DLL1: variants seen among roughly 807,000 people sequenced by gnomAD.
DLL1 encodes the protein delta like canonical Notch ligand 1, also known as delta-like protein 1.
Under a neutral mutation model 75.1 loss-of-function variants are expected in DLL1, and 9 were observed. The ratio of observed to expected loss-of-function variants is 0.12; its 90% CI spans 0.07 to 0.21. The LOEUF is 0.21. Ranked by LOEUF, DLL1 falls within the 10% of genes least tolerant of loss-of-function variation. DLL1 has a pLI of 1.00. For synonymous variants in DLL1, 477 were observed against 418.3 expected, an observed-to-expected ratio of 1.14 and a Z score of -1.71; for missense variants, 837 against 1,007.6, an observed-to-expected ratio of 0.83 and a Z score of 2.29.
chr6:170,288,410 C>A lies in DLL1; in HGVS notation c.499G>T (p.Gly167Cys), dbSNP rs2114964208. ...TAGGAGTACTTGAGGTCCGTGCGGC[C>A]GCTGCTGTGCAGGTCCTGGGACCAC... ...EEWSQDLHSSGRTDLKYSYRF... is the reference protein window; with the variant it reads ...EEWSQDLHSSCRTDLKYSYRF... Residue 167 changes from glycine to cysteine, a missense_variant, in exon 4 of 11, where the codon GGC (glycine) becomes TGC (cysteine). By Grantham distance (159) the Gly-to-Cys change is radical (BLOSUM62 -3). This residue lies in a region of DLL1 where 304 missense variants were observed against 461.9 expected (regional missense o/e 0.66). Coordinates refer to ENST00000366756, the MANE Select transcript of DLL1 (RefSeq NM_005618.4). 6.2e-7 allele frequency: 1 copy of A among 1,614,070 alleles called. No homozygotes were observed. The highest frequency in any genetic ancestry group is 8.5e-7 in the Non-Finnish European group (1 of 1,180,048).
In DLL1 at chr6:170,288,756, T is replaced by C; in HGVS notation, c.385A>G (p.Thr129Ala). The change falls in exon 3 of 11, where the codon ACA (threonine) becomes GCA (alanine). Residue 129 changes from threonine to alanine, a missense_variant. Around this residue, in one of 2 missense-constraint regions of DLL1, gnomAD observed 304 missense variants for 461.9 expected, o/e 0.66. Coordinates refer to ENST00000366756, the MANE Select transcript of DLL1 (RefSeq NM_005618.4). ...GTTGCGAGGTCATCAGGAGAATCTG[T>C]GTGGAGAGCTTCAATAATCAGAGAG... ...TFSLIIEALHTDSPDDLATEN... is the reference protein window; with the variant it reads ...TFSLIIEALHADSPDDLATEN... The C allele has an allele frequency of 6.2e-7, 1 of 1,614,108 alleles. No homozygotes were observed. Among genetic ancestry groups the C allele is most frequent in the Non-Finnish European group, 8.5e-7 (1 of 1,180,026 alleles).
Position 170,289,652 on chromosome 6 carries a change from C to T in DLL1, c.211G>A (p.Val71Met). 6.5e-7 allele frequency: 1 copy of T among 1,540,632 alleles called. No homozygotes were observed. The highest frequency in any genetic ancestry group is 8.7e-7 in the Non-Finnish European group (1 of 1,146,394). ...TAGGTGCAGGGCGGCTCGGGGGACA[C>T]GCTGGCCTGGTAGTGCTTGAGGCAC... Reference protein sequence around the residue: ...RVCLKHYQASVSPEPPCTYGS... With the variant: ...RVCLKHYQASMSPEPPCTYGS... Residue 71 changes from valine (V) to methionine (M), a missense_variant, in exon 2 of 11, where the codon GTG (valine) becomes ATG (methionine). By Grantham distance (21) the Val-to-Met change is conservative. Around this residue, in one of 2 missense-constraint regions of DLL1, gnomAD observed 304 missense variants for 461.9 expected, o/e 0.66. Coordinates refer to ENST00000366756, the MANE Select transcript of DLL1 (RefSeq NM_005618.4).
At position 170,289,746 on chromosome 6, in the gene DLL1, C is replaced by T; in HGVS notation, c.117G>A (p.Leu39=). The change falls in exon 2 of 11, where the codon CTG becomes CTA. Residue 39 remains leucine (L), a synonymous_variant. Transcript: ENST00000366756. ...LQEFVNKKGL[L]GNRNCCRGGA... is the part of the protein sequence containing the mutation. ...CCCCGCGGCAGCAGTTGCGGTTCCCCAGCAGCCCCTTCTTGTTGACGAACT... is the reference window on the plus strand; with the variant it reads ...CCCCGCGGCAGCAGTTGCGGTTCCCTAGCAGCCCCTTCTTGTTGACGAACT... 1 of 1,552,566 alleles carries T rather than the reference C, an allele frequency of 6.4e-7. No individual in the cohort carries two copies. Among genetic ancestry groups the T allele is most frequent in the Non-Finnish European group, 8.7e-7 (1 of 1,148,008 alleles).
In DLL1 at chr6:170,289,671, G is replaced by C; in HGVS notation, c.192C>G (p.Leu64=). The part of the protein sequence containing the change: ...CACRTFFRVC[L]KHYQASVSPE... ...GGGACACGCTGGCCTGGTAGTGCTT[G>C]AGGCACACGCGGAAGAAGGTCCGGC... Residue 64 remains leucine (L), a synonymous_variant, in exon 2 of 11, where the codon CTC becomes CTG. Transcript: ENST00000366756. 1.3e-6 allele frequency: 2 copies of C among 1,544,392 alleles called. No homozygotes were observed. The highest frequency in any genetic ancestry group is 1.7e-6 in the Non-Finnish European group (2 of 1,146,506).
chr6:170,287,526 A>G (rs1370044702), intron 4 of DLL1, among the ~76,000 whole-genome samples: 1 of 152,236 alleles, frequency 6.6e-6, no homozygotes, highest in Non-Finnish European at 1.5e-5. Context: ...ACCCTGCCCT[A>G]GTCACCTGCC....
At chr6:170,285,457 A>G (rs777086492) in intron 6 of DLL1, 34 bp from the exon 7 acceptor site, 2 of 1,614,178 alleles carry the variant, frequency 1.2e-6, no homozygotes, top group Non-Finnish European at 8.5e-7. Context: ...AGTAGGAGAT[A>G]GGAAGCTCGA....
At position 170,290,067 on chromosome 6, in the gene DLL1, C is replaced by G; in HGVS notation, c.54+19G>C. On this transcript the variant is annotated intron_variant, in intron 1 of 10. Transcript: ENST00000366756. This position sits in a 1 kb window ranked among gnomAD's most constrained non-coding sequence, Gnocchi z 4.7. ...CGTGAGACCCCGCGGGGCCGCGGCG[C>G]CCCCACCTGCCCGCCTACCTGACAC... The G allele has an allele frequency of 6.4e-7, 1 of 1,574,294 alleles. No individual in the cohort carries two copies. Among genetic ancestry groups the G allele is most frequent in the South Asian group, 1.1e-5 (1 of 88,342 alleles).
chr6:170,282,354 T>C lies in DLL1; in HGVS notation c.*520A>G, dbSNP rs1466128708. On this transcript the variant is annotated 3_prime_UTR_variant, in exon 11 of 11. Transcript: ENST00000366756. Reference sequence around the variant, plus strand: ...TATAGTCACATAGACCCGAAGTGCCTTTGTACATATTTACCAAAATTTAAA... The same window carrying C: ...TATAGTCACATAGACCCGAAGTGCCCTTGTACATATTTACCAAAATTTAAA... The C allele has an allele frequency of 1.2e-5, 2 of 167,032 alleles. No individual in the cohort carries two copies. Among genetic ancestry groups the C allele is most frequent in the Admixed American group, 1.1e-4 (2 of 17,760 alleles). 10.3% of individuals were successfully genotyped at this position (167,032 alleles called of 1,614,324 possible). A position where few individuals can be genotyped will look rare whatever the true frequency, so the allele number is the denominator to read the frequency against.
At chr6:170,287,079 C>T (rs1326264192) in intron 4 of DLL1, among the ~76,000 whole-genome samples, 1 of 152,202 alleles carries the variant, frequency 6.6e-6, no homozygotes, top group African/African-American at 2.4e-5. Flanking sequence ...CTCTTGCTGC[C>T]TGGTTATGAA....
intron 4 of DLL1, among the ~76,000 whole-genome samples, chr6:170,287,815 A>G (rs1259965961): frequency 6.6e-6 from 1 of 152,158 alleles, no homozygotes; most frequent in East Asian, 1.9e-4. Context: ...GAGAAAATGG[A>G]ACGTTTCCCA....
rs145732042 is a variant in DLL1, at chr6:170,288,270, G to A, written c.639C>T (p.Asn213=). The change falls in exon 4 of 11, where the codon AAC becomes AAT. Residue 213 remains asparagine, a synonymous_variant. Transcript: ENST00000366756. ...TGCAGTAGGGCCCTTTCCAGCCAGG[G>A]TTGCACACTTTCTCCCCACGCTCCC... ...TCGERGEKVC[N]PGWKGPYCTE... 6.7e-5 allele frequency: 108 copies of A among 1,614,022 alleles called. No homozygotes were observed. In the African/African-American group the frequency reaches 1.1e-3, roughly 17 times the overall value.
intron 3 of DLL1, 111 bp from the exon 4 acceptor site, chr6:170,288,607 C>G (rs1195486354): frequency 6.2e-7 from 1 of 1,610,514 alleles, no homozygotes; most frequent in South Asian, 1.1e-5. Flanking sequence ...AGCTGCTCCA[C>G]CCTGAACTTT....
intron 4 of DLL1, among the ~76,000 whole-genome samples, chr6:170,286,912 T>A (rs1053686667): frequency 1.3e-5 from 2 of 152,120 alleles, no homozygotes; most frequent in African/African-American, 2.4e-5. Context: ...ACGCGCGAGC[T>A]GGGGGCGGGG....
Position 170,284,931 on chromosome 6 carries a change from G to T in DLL1, c.1237C>A (p.Pro413Thr), listed in dbSNP as rs1270486051. Residue 413 changes from proline to threonine, a missense_variant, in exon 8 of 11, where the codon CCC (proline) becomes ACC (threonine). By Grantham distance (38) the Pro-to-Thr change is conservative (BLOSUM62 -1). This residue lies in a region of DLL1 where 533 missense variants were observed against 545.7 expected (regional missense o/e 0.98). Transcript: ENST00000366756. ...GCTGCCCCCTTACCATTAGAACAGG[G>T]TGAAGAGCTGCAGTAGTCAATTTTC... ...EKKIDYCSSS[P>T]CSNGAKCVDL... The T allele has an allele frequency of 5.0e-6, 8 of 1,613,822 alleles. No homozygotes were observed. Among genetic ancestry groups the T allele is most frequent in the African/African-American group, 2.7e-5 (2 of 74,908 alleles).
intron 8 of DLL1, 147 bp from the exon 9 acceptor site, chr6:170,284,176 A>G: frequency 1.8e-6 from 2 of 1,099,434 alleles, no homozygotes; most frequent in Non-Finnish European, 2.7e-6. Context: ...GCGCAAGGTG[A>G]CATGGTTTAG....
intron 4 of DLL1, among the ~76,000 whole-genome samples, chr6:170,287,995 G>A (rs1302190280): frequency 1.3e-5 from 2 of 152,104 alleles, no homozygotes; most frequent in Admixed American, 1.3e-4. Flanking sequence ...AATCCTCCCT[G>A]ATTAAGAAAG....
In DLL1 at chr6:170,289,415, G is replaced by T. The variant is rs1783795232; in HGVS notation, c.351+97C>A. 6.7e-6 allele frequency: 10 copies of T among 1,499,314 alleles called. No homozygotes were observed. In the East Asian group the frequency reaches 2.4e-4, roughly 35 times the overall value. 92.9% of individuals were successfully genotyped at this position (1,499,314 alleles called of 1,614,324 possible). A position where few individuals can be genotyped will look rare whatever the true frequency, so the allele number is the denominator to read the frequency against. ...CCCACCTGCGCCTCGCGGGGTCCCCGAGGTCCCGCCACCGAGCGCCCAAGG... is the reference window on the plus strand; with the variant it reads ...CCCACCTGCGCCTCGCGGGGTCCCCTAGGTCCCGCCACCGAGCGCCCAAGG... On this transcript the variant is annotated intron_variant, in intron 2 of 10. Coordinates refer to ENST00000366756, the MANE Select transcript of DLL1 (RefSeq NM_005618.4).
chr6:170,283,184 G>C (rs770466226), intron 9 of DLL1, 47 bp downstream of exon 9: 2 of 1,613,508 alleles, frequency 1.2e-6, no homozygotes, highest in Non-Finnish European at 1.7e-6. Flanking sequence ...GTTCCAGGAA[G>C]ACACCCCCCA....
intron 4 of DLL1, among the ~76,000 whole-genome samples, chr6:170,286,645 A>T (rs1419201041): frequency 6.6e-6 from 1 of 151,784 alleles, no homozygotes; most frequent in African/African-American, 2.4e-5. Flanking sequence ...AATATCCCAG[A>T]AAGTGTGTGT....
Sources: allele counts gnomAD v4.1 joint callset (sites outside exome capture counted in the v4.1 genomes callset), GRCh38; gene constraint gnomAD v4.1.1; regional missense constraint gnomAD v4.1.1; non-coding constraint Gnocchi (gnomAD v3.1); transcripts MANE v1.5; gene names NCBI Gene and HGNC (gene_info 2026-07-23, HGNC 2026-07-21).